The following CTNNA2 variants were observed in gnomAD, a reference collection of about 807,000 sequenced individuals.
CTNNA2 encodes catenin alpha 2.
Under a neutral mutation model 101.0 loss-of-function variants are expected in CTNNA2, and 42 were observed. The observed-to-expected ratio is 0.42, with a 90% CI of 0.32 to 0.54. The LOEUF is 0.54. Among genes scored for constraint, CTNNA2 ranks in the 20% least tolerant of loss-of-function variants. The probability of loss-of-function intolerance (pLI) is 0.14; values close to 1 mark genes in which losing one functional copy is unlikely to be tolerated. For missense variants in CTNNA2, 871 were observed against 1,223.1 expected (o/e 0.71, Z 4.29); for synonymous variants, 450 against 456.4 (o/e 0.99, Z 0.18).
chr2:80,068,719 C>T (rs193137709), intron 7 of CTNNA2, among the ~76,000 whole-genome samples: 1 of 152,116 alleles, frequency 6.6e-6, no homozygotes, highest in Non-Finnish European at 1.5e-5. Flanking sequence ...GGAAAAAAGT[C>T]AGAAACAGTG....
At chr2:79,417,783 A>G (rs1678499100) in intron 4 of CTNNA2, among the ~76,000 whole-genome samples, 1 of 151,934 alleles carries the variant, frequency 6.6e-6, no homozygotes, top group Non-Finnish European at 1.5e-5. Flanking sequence ...TGGATGTTGT[A>G]TGTGTGTGTG....
chr2:80,621,773 A>C (rs149713986), intron 18 of CTNNA2, among the ~76,000 whole-genome samples: 34 of 151,954 alleles, frequency 2.2e-4, no homozygotes, highest in African/African-American at 7.7e-4. Flanking sequence ...AAAAAGTGTA[A>C]AGCCTTGCTC....
At chr2:80,416,537 C>T (rs936496197) in intron 8 of CTNNA2, among the ~76,000 whole-genome samples, 2 of 152,004 alleles carry the variant, frequency 1.3e-5, no homozygotes, top group Admixed American at 6.6e-5. Context: ...CTTTCTTCTA[C>T]CTTTAAACGC....
At chr2:80,587,343 T>C (rs1273820735) in intron 14 of CTNNA2, among the ~76,000 whole-genome samples, 2 of 152,090 alleles carry the variant, frequency 1.3e-5, no homozygotes, top group Non-Finnish European at 2.9e-5. Flanking sequence ...CCTTTCCCTA[T>C]AGCAACTAAG....
intron 7 of CTNNA2, among the ~76,000 whole-genome samples, chr2:79,963,924 TG>T (rs1689839681): frequency 6.6e-6 from 1 of 152,220 alleles, no homozygotes; most frequent in African/African-American, 2.4e-5. Context: ...TGTATCTATC[TG>T]GAGCTCTGCC....
chr2:80,246,245 A>G (rs1279789024), intron 7 of CTNNA2, among the ~76,000 whole-genome samples: 2 of 152,232 alleles, frequency 1.3e-5, no homozygotes, highest in Non-Finnish European at 1.5e-5. Context: ...TGGTCTCACA[A>G]GAATTTATTT....
intron 3 of CTNNA2, among the ~76,000 whole-genome samples, chr2:79,778,121 C>T (rs1400302322): frequency 1.3e-5 from 2 of 151,658 alleles, no homozygotes; most frequent in South Asian, 2.1e-4. Context: ...GCAGGTGGAT[C>T]GCCTGAGCTC....
At chr2:79,277,417 G>T (rs934850778) in intron 2 of CTNNA2, among the ~76,000 whole-genome samples, 2 of 151,968 alleles carry the variant, frequency 1.3e-5, no homozygotes, top group African/African-American at 4.8e-5. Context: ...AAGGGACAGA[G>T]TCCTACTATG....
intron 7 of CTNNA2, among the ~76,000 whole-genome samples, chr2:79,999,202 A>G (rs960801695): frequency 3.3e-5 from 5 of 152,188 alleles, no homozygotes; most frequent in African/African-American, 1.2e-4. Flanking sequence ...CCTCCCTTGG[A>G]AATCCCTTTC....
At chr2:80,399,775 C>T (rs1678382775) in intron 8 of CTNNA2, among the ~76,000 whole-genome samples, 1 of 152,184 alleles carries the variant, frequency 6.6e-6, no homozygotes, top group South Asian at 2.1e-4. Flanking sequence ...AATCCTGATC[C>T]TGAGACTGGA....
intron 4 of CTNNA2, among the ~76,000 whole-genome samples, chr2:79,479,037 A>G (rs1400695308): frequency 1.3e-5 from 2 of 152,194 alleles, no homozygotes; most frequent in African/African-American, 4.8e-5. Flanking sequence ...TGAGCATATT[A>G]GCTTTATTTT....
intron 7 of CTNNA2, among the ~76,000 whole-genome samples, chr2:80,041,636 A>C (rs1290246783): frequency 6.6e-6 from 1 of 152,210 alleles, no homozygotes; most frequent in Admixed American, 6.6e-5. Flanking sequence ...TTTTCAGTAC[A>C]TTCCTGTCTT....
chr2:79,525,832 A>T (rs2052951), intron 1 of CTNNA2, among the ~76,000 whole-genome samples: 2,531 of 152,130 alleles, frequency 0.017, 34 homozygotes, highest in Non-Finnish European at 0.026. Context: ...GAATTATACC[A>T]TAAGGATGAG....
chr2:80,305,345 C>G, intron 7 of CTNNA2: 1 of 985,340 alleles, frequency 1.0e-6, no homozygotes, highest in Non-Finnish European at 1.2e-6. Flanking sequence ...TGCAGGGAGA[C>G]TTGACTGAGA....
chr2:79,740,314 C>T (rs889258974), intron 2 of CTNNA2, among the ~76,000 whole-genome samples: 7 of 152,260 alleles, frequency 4.6e-5, no homozygotes, highest in Admixed American at 3.3e-4. Context: ...ATCCATGATC[C>T]TGCAAAGGAC....
At chr2:79,297,080 C>T (rs1012420519) in intron 2 of CTNNA2, among the ~76,000 whole-genome samples, 1 of 152,154 alleles carries the variant, frequency 6.6e-6, no homozygotes, top group African/African-American at 2.4e-5. Context: ...CTCCTCCACC[C>T]TTACTGAGAA....
At chr2:79,447,636 T>C (rs1395505641) in intron 4 of CTNNA2, among the ~76,000 whole-genome samples, 1 of 152,046 alleles carries the variant, frequency 6.6e-6, no homozygotes, top group Non-Finnish European at 1.5e-5. Flanking sequence ...CTACATAGAC[T>C]GTCAAGGACA....
chr2:79,324,271 A>G lies in CTNNA2; in HGVS notation c.-318+11475A>G, dbSNP rs116933855. Among the ~76,000 whole-genome samples the G allele has an allele frequency of 2.0e-5, 3 of 152,292 alleles. No individual in the cohort carries two copies. In the East Asian group the frequency reaches 5.8e-4, roughly 29 times the overall value. ...TGGAGGCAGGGTAGCAGCTTGTTGGAGTATGCATGGCAAGCAGGGTGTGGT... is the reference window on the plus strand; with the variant it reads ...TGGAGGCAGGGTAGCAGCTTGTTGGGGTATGCATGGCAAGCAGGGTGTGGT... On this transcript the variant is annotated intron_variant, in intron 3 of 21. Coordinates refer to the CTNNA2 transcript ENST00000466387.
chr2:80,218,135 C>T (rs1282237675), intron 7 of CTNNA2, among the ~76,000 whole-genome samples: 1 of 152,202 alleles, frequency 6.6e-6, no homozygotes, highest in Non-Finnish European at 1.5e-5. Flanking sequence ...GTGTTGAGTA[C>T]TTCTCAATAT....
Sources: gnomAD v4.1 joint callset for allele counts (sites outside exome capture counted in the v4.1 genomes callset) on GRCh38, gnomAD v4.1.1 for gene constraint, MANE v1.5 for transcripts, NCBI Gene and HGNC (gene_info 2026-07-23, HGNC 2026-07-21) for gene names.